Variants in GNA12 observed in about 807,000 individuals in gnomAD.
GNA12 encodes the protein G protein subunit alpha 12, also known as guanine nucleotide-binding protein subunit alpha-12.
Under a neutral mutation model 26.0 loss-of-function variants are expected in GNA12, and 9 were observed. That is an observed-to-expected ratio of 0.35 (90% CI 0.21 to 0.60). GNA12 has a LOEUF of 0.60. Among genes scored for constraint, GNA12 ranks in the 20% least tolerant of loss-of-function variants. The pLI, the probability that GNA12 is intolerant of heterozygous loss-of-function variation, is 0.78. For synonymous variants in GNA12, 264 were observed against 219.6 expected (o/e 1.20, Z -1.79); for missense variants, 405 against 525.8 (o/e 0.77, Z 2.25).
chr7:2,842,244 C>G (rs1201984375), intron 1 of GNA12, among the ~76,000 whole-genome samples: 1 of 152,190 alleles, frequency 6.6e-6, no homozygotes, highest in South Asian at 2.1e-4. Context: ...TCCTCCAGAT[C>G]TTCCTTGAGG....
At chr7:2,762,539 T>C (rs17132665) in intron 2 of GNA12, 158,429 of 1,263,668 alleles carry the variant, frequency 0.13, 10,820 homozygotes, top group Middle Eastern at 0.22. Context: ...CCACCACGCC[T>C]TCTATTCTGG....
At chr7:2,836,631 T>C (rs975488605) in intron 1 of GNA12, among the ~76,000 whole-genome samples, 1 of 152,016 alleles carries the variant, frequency 6.6e-6, no homozygotes. Context: ...CTATTCCAAA[T>C]AACAAGAGAA....
intron 2 of GNA12, among the ~76,000 whole-genome samples, chr7:2,737,686 T>G (rs921920512): frequency 1.3e-5 from 2 of 152,308 alleles, no homozygotes; most frequent in Non-Finnish European, 2.9e-5. Flanking sequence ...AATGGTGAGC[T>G]AGAGGATTCC....
chr7:2,781,679 GA>G (rs1398336459), intron 2 of GNA12, among the ~76,000 whole-genome samples: 7 of 152,054 alleles, frequency 4.6e-5, no homozygotes, highest in Admixed American at 6.6e-5. Context: ...CTCAAGCCTT[GA>G]AAAATGTAAA....
chr7:2,739,399 G>C (rs1395066361), intron 2 of GNA12, among the ~76,000 whole-genome samples: 1 of 152,160 alleles, frequency 6.6e-6, no homozygotes, highest in Non-Finnish European at 1.5e-5. Flanking sequence ...CTTTGTGTCT[G>C]GTTCTTTTAC....
At chr7:2,768,003 T>A (rs1311953563) in intron 2 of GNA12, among the ~76,000 whole-genome samples, 1 of 152,174 alleles carries the variant, frequency 6.6e-6, no homozygotes, top group Non-Finnish European at 1.5e-5. Context: ...TACGGGCACA[T>A]GCCACCATGC....
At chr7:2,806,070 C>A (rs767039524) in intron 1 of GNA12, among the ~76,000 whole-genome samples, 1 of 152,118 alleles carries the variant, frequency 6.6e-6, no homozygotes, top group African/African-American at 2.4e-5. Flanking sequence ...ATTTTTCTTT[C>A]GTTCTTTCTC....
At chr7:2,762,444 C>G (rs1791605653) in intron 2 of GNA12, 2 of 521,786 alleles carry the variant, frequency 3.8e-6, no homozygotes. Context: ...AAAAACGCTA[C>G]TTAACTCCAA....
chr7:2,803,528 G>C (rs933403778), intron 1 of GNA12, among the ~76,000 whole-genome samples: 1 of 152,188 alleles, frequency 6.6e-6, no homozygotes, highest in Non-Finnish European at 1.5e-5. Flanking sequence ...TGCAGAGCAC[G>C]GAGAGCAGTG....
chr7:2,784,885 T>A (rs1263086243), intron 2 of GNA12, among the ~76,000 whole-genome samples: 1 of 152,252 alleles, frequency 6.6e-6, no homozygotes, highest in Non-Finnish European at 1.5e-5. Flanking sequence ...AATCCATCAT[T>A]ATTTTCCTTT....
intron 2 of GNA12, among the ~76,000 whole-genome samples, chr7:2,790,458 C>T (rs1358503761): frequency 6.6e-6 from 1 of 152,198 alleles, no homozygotes; most frequent in Non-Finnish European, 1.5e-5. Context: ...TATTTGCTTG[C>T]ATGTCTGTCT....
Position 2,728,751 on chromosome 7 carries a change from G to A in GNA12, c.*2430C>T, listed in dbSNP as rs1007762087. 3 of 152,436 alleles carry A rather than the reference G, an allele frequency of 2.0e-5. No homozygotes were observed. Among genetic ancestry groups the A allele is most frequent in the Non-Finnish European group, 2.9e-5 (2 of 68,042 alleles). The allele number at this position is 152,436 out of a possible 1,614,324, so 9.4% of individuals were successfully genotyped here. On this transcript the variant is annotated 3_prime_UTR_variant, in exon 4 of 4. Coordinates refer to ENST00000275364, the MANE Select transcript of GNA12 (RefSeq NM_007353.3). ...TAGCCAAGTTGTGAATGACAGTTTA[G>A]CCTTGCAGAGTTTCCTTCTTCTCCA...
intron 1 of GNA12, among the ~76,000 whole-genome samples, chr7:2,818,065 A>T (rs1793255623): frequency 6.6e-6 from 1 of 152,242 alleles, no homozygotes; most frequent in East Asian, 1.9e-4. Context: ...ATAACGTATT[A>T]AAATTAATTC....
intron 1 of GNA12, among the ~76,000 whole-genome samples, chr7:2,840,449 G>C (rs1296045189): frequency 2.0e-5 from 3 of 152,198 alleles, no homozygotes; most frequent in African/African-American, 7.2e-5. Flanking sequence ...ACAGCACACA[G>C]TCCGTGCTCT....
chr7:2,731,359 C>T lies in GNA12; in HGVS notation c.968G>A (p.Arg323Lys), dbSNP rs774205451. 2 of 1,613,472 alleles carry T rather than the reference C, an allele frequency of 1.2e-6. No individual in the cohort carries two copies. Among genetic ancestry groups the T allele is most frequent in the Non-Finnish European group, 8.5e-7 (1 of 1,179,662 alleles). Residue 323 changes from arginine to lysine, a missense_variant, in exon 4 of 4, where the codon AGG becomes AAG. By Grantham distance (26) the Arg-to-Lys change is conservative. Transcript: ENST00000275364. The surrounding 1 kb of genome is among the most constrained non-coding windows in gnomAD (Gnocchi z 6.0). ...HFPDFRGDPH[R>K]LEDVQRYLVQ... is the part of the protein sequence containing the mutation. ...CAGGTAGCGCTGGACGTCCTCCAGC[C>T]TGTGCGGGTCGCCCCTGAAGTCCGG...
chr7:2,785,368 A>G (rs571427073), intron 2 of GNA12, among the ~76,000 whole-genome samples: 1 of 152,330 alleles, frequency 6.6e-6, no homozygotes, highest in South Asian at 2.1e-4. Context: ...AACGGTGTCA[A>G]TATCAAATAG....
At chr7:2,743,383 T>C (rs1790604606) in intron 2 of GNA12, among the ~76,000 whole-genome samples, 1 of 152,116 alleles carries the variant, frequency 6.6e-6, no homozygotes, top group Non-Finnish European at 1.5e-5. Flanking sequence ...TTATTCAAAA[T>C]ATGGAAGATA....
chr7:2,770,666 A>AACAAC (rs386409378), intron 2 of GNA12, among the ~76,000 whole-genome samples: 3 of 151,934 alleles, frequency 2.0e-5, no homozygotes, highest in Non-Finnish European at 4.4e-5. Flanking sequence ...AACAAAACAA[A>AACAAC]ACAACACACA....
chr7:2,784,441 A>G (rs1358090903), intron 2 of GNA12, among the ~76,000 whole-genome samples: 1 of 152,240 alleles, frequency 6.6e-6, no homozygotes, highest in Non-Finnish European at 1.5e-5. Context: ...TACAATTACT[A>G]TATTAGGATA....
Sources: gnomAD v4.1 joint callset for allele counts (sites outside exome capture counted in the v4.1 genomes callset) on GRCh38, gnomAD v4.1.1 for gene constraint, Gnocchi (gnomAD v3.1) non-coding constraint, MANE v1.5 for transcripts, NCBI Gene and HGNC (gene_info 2026-07-23, HGNC 2026-07-21) for gene names.